Variants in RBFOX1 observed in about 807,000 individuals in gnomAD.
RBFOX1 encodes the protein RNA binding fox-1 homolog 1.
In RBFOX1, 8 loss-of-function variants were observed where a neutral mutation model predicts 57.7. The ratio of observed to expected loss-of-function variants is 0.14; its 90% confidence interval spans 0.08 to 0.25. The LOEUF (loss-of-function observed/expected upper bound fraction) is 0.25. Among genes scored for constraint, RBFOX1 ranks in the 10% least tolerant of loss-of-function variants. RBFOX1 has a pLI of 1.00. For synonymous variants in RBFOX1, 326 were observed against 222.4 expected, an observed-to-expected ratio of 1.47 and a Z score of -4.15; for missense variants, 611 against 548.5, an observed-to-expected ratio of 1.11 and a Z score of -1.14.
chr16:6,943,429 C>T (rs1597953047), intron 3 of RBFOX1, among the ~76,000 whole-genome samples: 1 of 152,120 alleles, frequency 6.6e-6, no homozygotes, highest in Non-Finnish European at 1.5e-5. Flanking sequence ...GGCCTGTGGG[C>T]CGGGCGTGGT....
intron 3 of RBFOX1, among the ~76,000 whole-genome samples, chr16:6,988,970 C>G (rs762064033): frequency 5.3e-5 from 8 of 152,008 alleles, no homozygotes; most frequent in Non-Finnish European, 1.2e-4. Context: ...CCCATGTTGG[C>G]TAGGCTGCTC....
At chr16:7,420,436 C>G (rs1358668184) in intron 4 of RBFOX1, among the ~76,000 whole-genome samples, 6 of 152,128 alleles carry the variant, frequency 3.9e-5, no homozygotes, top group Admixed American at 3.3e-4. Context: ...AAAAGAGCAG[C>G]TTTTGTGAAG....
chr16:6,881,525 G>A (rs748435875), intron 3 of RBFOX1, among the ~76,000 whole-genome samples: 6 of 152,020 alleles, frequency 3.9e-5, no homozygotes, highest in Admixed American at 6.6e-5. Flanking sequence ...ATCATCTTCC[G>A]TCTATGCATG....
At chr16:6,829,446 G>C (rs760019913) in intron 3 of RBFOX1, among the ~76,000 whole-genome samples, 50 of 148,784 alleles carry the variant, frequency 3.4e-4, no homozygotes, top group Non-Finnish European at 6.8e-4. Context: ...GGTAAGTTTT[G>C]GGTCTGTCCA....
At chr16:6,350,682 A>G (rs2086209934) in intron 2 of RBFOX1, among the ~76,000 whole-genome samples, 1 of 152,098 alleles carries the variant, frequency 6.6e-6, no homozygotes, top group Admixed American at 6.6e-5. Flanking sequence ...TCTTGTGAGT[A>G]ATTACTAGGT....
At chr16:6,775,599 ATC>A (rs2079187883) in intron 3 of RBFOX1, 1 of 152,172 alleles carries the variant, frequency 6.6e-6, no homozygotes, top group African/African-American at 2.4e-5. Context: ...TCTGACAGTT[ATC>A]TCTCTAATCG....
chr16:5,291,995 CTTT>C (rs1204395537), intron 1 of RBFOX1, among the ~76,000 whole-genome samples: 1 of 145,854 alleles, frequency 6.9e-6, no homozygotes. Flanking sequence ...TTTGCAGTTA[CTTT>C]TTTTTTTTTT....
chr16:7,035,191 G>A (rs899884315), intron 3 of RBFOX1, among the ~76,000 whole-genome samples: 4 of 151,910 alleles, frequency 2.6e-5, no homozygotes, highest in African/African-American at 7.3e-5. Context: ...TGATGCCAAC[G>A]CTGTTGGTCC....
At chr16:7,257,424 T>G (rs1261972769) in intron 4 of RBFOX1, among the ~76,000 whole-genome samples, 1 of 152,036 alleles carries the variant, frequency 6.6e-6, no homozygotes, top group Non-Finnish European at 1.5e-5. Context: ...GTAGGGAAAA[T>G]GTACTGATTG....
intron 4 of RBFOX1, among the ~76,000 whole-genome samples, chr16:7,282,067 A>T (rs6500944): frequency 6.6e-6 from 1 of 151,516 alleles, no homozygotes; most frequent in Non-Finnish European, 1.5e-5. Context: ...CAGGGTTTCT[A>T]TTTGTTGCCC....
chr16:6,295,109 T>G (rs1039387518), intron 1 of RBFOX1, among the ~76,000 whole-genome samples: 4 of 128,568 alleles, frequency 3.1e-5, no homozygotes, highest in Non-Finnish European at 5.0e-5. Context: ...GTTTTTTTTT[T>G]TTTTTTTTTT....
intron 3 of RBFOX1, among the ~76,000 whole-genome samples, chr16:5,713,937 G>T (rs748154258): frequency 5.3e-5 from 8 of 152,178 alleles, no homozygotes; most frequent in Admixed American, 4.6e-4. Flanking sequence ...TCTGGGAGAC[G>T]TGGGAGATGT....
chr16:7,282,055 G>C (rs182545337), intron 4 of RBFOX1, among the ~76,000 whole-genome samples: 2 of 151,942 alleles, frequency 1.3e-5, no homozygotes, highest in Admixed American at 1.3e-4. Flanking sequence ...TTTTTGTAGA[G>C]ACAGGGTTTC....
chr16:7,052,555 C>A (rs768385820), intron 4 of RBFOX1, among the ~76,000 whole-genome samples: 1 of 152,038 alleles, frequency 6.6e-6, no homozygotes, highest in Non-Finnish European at 1.5e-5. Flanking sequence ...TATCTATAGA[C>A]CTCTTGGTTT....
At chr16:6,030,713 C>T (rs968565948) in intron 1 of RBFOX1, among the ~76,000 whole-genome samples, 2 of 152,132 alleles carry the variant, frequency 1.3e-5, no homozygotes, top group African/African-American at 4.8e-5. Flanking sequence ...TTGAGCTAGA[C>T]CTGAAGTTAG....
chr16:6,499,468 A>G (rs911147656), intron 2 of RBFOX1, among the ~76,000 whole-genome samples: 2 of 152,160 alleles, frequency 1.3e-5, no homozygotes, highest in East Asian at 1.9e-4. Context: ...CACACAGCCT[A>G]GGGACAATGG....
chr16:6,479,389 G>C (rs2095333988), intron 2 of RBFOX1, among the ~76,000 whole-genome samples: 1 of 151,706 alleles, frequency 6.6e-6, no homozygotes, highest in African/African-American at 2.4e-5. Context: ...GGAGTTAAAG[G>C]CCAGCCTGGC....
rs562689857 is a variant in RBFOX1, at chr16:6,180,748, T to G, written c.-126-136247T>G. Among the ~76,000 whole-genome samples the G allele has an allele frequency of 3.9e-5, 6 of 152,090 alleles. No individual in the cohort carries two copies. The East Asian group carries it at 1.2e-3, about 29-fold the overall frequency. ...ACCCAGCTAATTTTTGTGTTTTTAGTAGAGATGGGGTTTCACCGGGTTGGC... is the reference window on the plus strand; with the variant it reads ...ACCCAGCTAATTTTTGTGTTTTTAGGAGAGATGGGGTTTCACCGGGTTGGC... On this transcript the variant is annotated intron_variant, in intron 1 of 15. Transcript: ENST00000550418.
intron 3 of RBFOX1, among the ~76,000 whole-genome samples, chr16:6,876,790 A>T (rs2061932243): frequency 6.6e-6 from 1 of 152,180 alleles, no homozygotes; most frequent in African/African-American, 2.4e-5. Context: ...ACAAGAAAAC[A>T]TGAAATAACT....
Sources: gnomAD v4.1 joint callset for allele counts (sites outside exome capture counted in the v4.1 genomes callset) on GRCh38, gnomAD v4.1.1 for gene constraint, MANE v1.5 for transcripts, NCBI Gene and HGNC (gene_info 2026-07-23, HGNC 2026-07-21) for gene names.